The following DISC1 variants were observed in gnomAD, a reference collection of about 807,000 sequenced individuals.
The protein encoded by DISC1 is disrupted in schizophrenia 1 protein.
Under a neutral mutation model 84.5 loss-of-function variants are expected in DISC1, and 57 were observed. That is an observed-to-expected ratio of 0.67 (90% CI 0.55 to 0.84). The LOEUF (loss-of-function observed/expected upper bound fraction) is 0.84, where lower values mean the gene tolerates loss of function less well. DISC1 is among the 40% of genes least tolerant of loss of function. The pLI is 0.00. For synonymous variants in DISC1, 411 were observed against 415.2 expected (o/e 0.99, Z 0.12); for missense variants, 1,000 against 1,057.8 (o/e 0.95, Z 0.76).
intron 7 of DISC1, among the ~76,000 whole-genome samples, chr1:231,799,398 GCA>G (rs1413371551): frequency 6.6e-6 from 1 of 152,082 alleles, no homozygotes; most frequent in East Asian, 1.9e-4. Context: ...TATGTGCCAG[GCA>G]CAGAGCAAAA....
chr1:231,975,809 C>T (rs1476680811), intron 10 of DISC1, among the ~76,000 whole-genome samples: 2 of 151,846 alleles, frequency 1.3e-5, no homozygotes, highest in African/African-American at 2.4e-5. Context: ...GAATGATAGA[C>T]GATGGAGATT....
chr1:231,713,574 G>A (rs945204573), intron 3 of DISC1, among the ~76,000 whole-genome samples: 1 of 151,522 alleles, frequency 6.6e-6, no homozygotes, highest in Non-Finnish European at 1.5e-5. Flanking sequence ...AGAATCAGTG[G>A]ACTTGAAGAT....
intron 10 of DISC1, among the ~76,000 whole-genome samples, chr1:232,001,808 T>C (rs924756100): frequency 6.6e-6 from 1 of 152,146 alleles, no homozygotes; most frequent in African/African-American, 2.4e-5. Flanking sequence ...GAGTCAGTCT[T>C]TGAGACCTAA....
In DISC1 at chr1:231,675,441, A is replaced by G. The variant is rs1332480457; in HGVS notation, c.68-18385A>G. Among the ~76,000 whole-genome samples the G allele has an allele frequency of 6.6e-6, 1 of 152,046 alleles. No homozygotes were observed. The highest frequency in any genetic ancestry group is 1.9e-4 in the East Asian group (1 of 5,182). ...AAGCAGGAAGGAGGATCTATTGTGA[A>G]CCGGTTGGAAGTTGATTTTTGACCC... On this transcript the variant is annotated intron_variant, in intron 1 of 12. Coordinates refer to ENST00000439617, the MANE Select transcript of DISC1 (RefSeq NM_018662.3). The surrounding 1 kb of genome is among the most constrained non-coding windows in gnomAD (Gnocchi z 4.1).
At chr1:231,844,413 G>A (rs2083299410) in intron 9 of DISC1, among the ~76,000 whole-genome samples, 1 of 152,132 alleles carries the variant, frequency 6.6e-6, no homozygotes. Context: ...CCCCCTCCAG[G>A]TGCGCCACCT....
At chr1:231,940,086 T>C (rs2126128709) in intron 9 of DISC1, among the ~76,000 whole-genome samples, 2 of 151,984 alleles carry the variant, frequency 1.3e-5, no homozygotes, top group East Asian at 3.9e-4. Flanking sequence ...GTTTCCCTCC[T>C]CCATGACAGG....
chr1:232,027,040 C>T (rs1402874026), intron 12 of DISC1, among the ~76,000 whole-genome samples: 4 of 152,072 alleles, frequency 2.6e-5, no homozygotes, highest in South Asian at 4.1e-4. Context: ...CTTGGGCCAC[C>T]GCATCCGGCC....
intron 11 of DISC1, among the ~76,000 whole-genome samples, chr1:232,010,749 A>C (rs1198767096): frequency 6.6e-6 from 1 of 152,176 alleles, no homozygotes; most frequent in Non-Finnish European, 1.5e-5. Flanking sequence ...GGAGAAGTAT[A>C]ATTGGACAAA....
chr1:231,710,557 T>C (rs2067691857), intron 3 of DISC1, among the ~76,000 whole-genome samples: 1 of 152,208 alleles, frequency 6.6e-6, no homozygotes, highest in African/African-American at 2.4e-5. Context: ...ACTGACTGTG[T>C]GGCTTAAACA....
intron 11 of DISC1, among the ~76,000 whole-genome samples, chr1:232,010,650 A>G (rs1246973172): frequency 1.3e-5 from 2 of 152,232 alleles, no homozygotes; most frequent in East Asian, 1.9e-4. Flanking sequence ...TAAAATTTAC[A>G]TGACACAGGA....
intron 10 of DISC1, among the ~76,000 whole-genome samples, chr1:231,987,758 G>C (rs1450682771): frequency 2.0e-5 from 3 of 152,168 alleles, no homozygotes; most frequent in African/African-American, 7.2e-5. Flanking sequence ...ATCTAAGAAA[G>C]TGCCAGTAAT....
chr1:231,960,647 A>G (rs1317070930), intron 10 of DISC1, among the ~76,000 whole-genome samples: 1 of 152,192 alleles, frequency 6.6e-6, no homozygotes, highest in Non-Finnish European at 1.5e-5. Context: ...AATAATCAAC[A>G]CAGAAGGCTT....
intron 9 of DISC1, among the ~76,000 whole-genome samples, chr1:231,837,097 A>G (rs979037680): frequency 2.0e-4 from 31 of 152,370 alleles, no homozygotes; most frequent in African/African-American, 7.5e-4. Context: ...TATACAATAT[A>G]AAATTTAGAG....
At chr1:231,924,509 G>A (rs2090216675) in intron 9 of DISC1, among the ~76,000 whole-genome samples, 1 of 152,102 alleles carries the variant, frequency 6.6e-6, no homozygotes, top group Admixed American at 6.6e-5. Context: ...GGTGAAATGA[G>A]GATAATGTGG....
intron 3 of DISC1, chr1:231,723,343 C>T: frequency 3.0e-6 from 3 of 985,780 alleles, no homozygotes; most frequent in Non-Finnish European, 3.6e-6. Context: ...GCAGGAAGCT[C>T]CTGCAGGAAG....
intron 10 of DISC1, among the ~76,000 whole-genome samples, chr1:231,997,745 C>G (rs1238677338): frequency 6.6e-6 from 1 of 152,084 alleles, no homozygotes; most frequent in Non-Finnish European, 1.5e-5. Context: ...GATGATTCCC[C>G]CAGAGGCTCT....
rs1241080496 is a variant in DISC1, at chr1:232,008,811, T to C, written c.2069T>C (p.Val690Ala). 1 of 1,588,078 alleles carries C rather than the reference T, an allele frequency of 6.3e-7. No individual in the cohort carries two copies. The highest frequency in any genetic ancestry group is 1.2e-5 in the South Asian group (1 of 86,470). Residue 690 changes from valine (V) to alanine (A), a missense_variant, in exon 11 of 13, where the codon GTG (valine) becomes GCG (alanine). Transcript: ENST00000439617. ...TGCAAGTGTCCACTGCTTGGGAAAG[T>C]GTGGGAAGCTGACTTGGAAGCTTGT... ...CSCKCPLLGKVWEADLEACRL... is the reference protein window; with the variant it reads ...CSCKCPLLGKAWEADLEACRL...
chr1:231,801,107 C>T (rs2079203568), intron 8 of DISC1, among the ~76,000 whole-genome samples: 2 of 152,162 alleles, frequency 1.3e-5, no homozygotes, highest in Non-Finnish European at 2.9e-5. Flanking sequence ...TTGGCAGCTT[C>T]TGCTCCTCAG....
At chr1:231,973,936 A>G (rs1309425274) in intron 10 of DISC1, among the ~76,000 whole-genome samples, 1 of 151,686 alleles carries the variant, frequency 6.6e-6, no homozygotes, top group Non-Finnish European at 1.5e-5. Context: ...CCTCACACCC[A>G]CTCCAAACTA....
Sources: allele counts gnomAD v4.1 joint callset (sites outside exome capture counted in the v4.1 genomes callset), GRCh38; gene constraint gnomAD v4.1.1; non-coding constraint Gnocchi (gnomAD v3.1); transcripts MANE v1.5; gene names NCBI Gene and HGNC (gene_info 2026-07-23, HGNC 2026-07-21).